Variants in HMCN1 observed in about 807,000 individuals in gnomAD.
HMCN1 encodes hemicentin-1.
HMCN1 carries 321 observed loss-of-function variants against 625.9 expected under a neutral mutation model. The ratio of observed to expected loss-of-function variants is 0.51; its 90% CI spans 0.47 to 0.56. HMCN1 has a LOEUF of 0.56. Ranked by LOEUF, HMCN1 falls within the 20% of genes least tolerant of loss-of-function variation. The probability of loss-of-function intolerance (pLI) is 0.00; values close to 1 mark genes in which losing one functional copy is unlikely to be tolerated. For synonymous variants in HMCN1, 2,425 were observed against 2,417.6 expected, an observed-to-expected ratio of 1.00 and a Z score of -0.09; for missense variants, 6,588 against 6,887.3, an observed-to-expected ratio of 0.96 and a Z score of 1.54.
In HMCN1 at chr1:186,137,498, T is replaced by G. The variant is rs1649679045; in HGVS notation, c.13583T>G (p.Val4528Gly). 3 of 1,613,294 alleles carry G rather than the reference T, an allele frequency of 1.9e-6. No individual in the cohort carries two copies. The highest frequency in any genetic ancestry group is 2.2e-5 in the South Asian group (2 of 90,988). ...ACAAAGTACAATGTTTTATTTGCAG[T>G]TCATGGTGGATTTTCCCAGTGGTCT... ...VLVRVPVIVQ[V>G]HGGFSQWSAW... Residue 4528 changes from valine to glycine, a missense_variant and splice_region_variant, in exon 88 of 107, where the codon GTT becomes GGT. By Grantham distance (109) the Val-to-Gly change is moderately radical. Coordinates refer to ENST00000271588, the MANE Select transcript of HMCN1 (RefSeq NM_031935.3).
chr1:185,833,325 G>A (rs933943555), intron 1 of HMCN1, among the ~76,000 whole-genome samples: 6 of 152,078 alleles, frequency 3.9e-5, no homozygotes, highest in African/African-American at 1.4e-4. Context: ...GTATAGATGG[G>A]CAGACATTTA....
chr1:185,783,284 G>T (rs1657279798), intron 1 of HMCN1, among the ~76,000 whole-genome samples: 1 of 152,114 alleles, frequency 6.6e-6, no homozygotes, highest in Non-Finnish European at 1.5e-5. Flanking sequence ...CTTTGCGATG[G>T]GTTCAAAGTT....
At chr1:185,865,925 G>A (rs995066891) in intron 4 of HMCN1, 62 bp downstream of exon 4, 2 of 1,548,312 alleles carry the variant, frequency 1.3e-6, no homozygotes, top group Non-Finnish European at 1.8e-6. Context: ...AGTTAGGCCA[G>A]CCTAATTATG....
chr1:185,801,825 A>G (rs777989833), intron 1 of HMCN1, among the ~76,000 whole-genome samples: 1 of 152,166 alleles, frequency 6.6e-6, no homozygotes, highest in Non-Finnish European at 1.5e-5. Context: ...GTAGGTAGAA[A>G]CTAGACCATG....
chr1:185,775,374 A>G (rs1162573953), intron 1 of HMCN1, among the ~76,000 whole-genome samples: 1 of 152,202 alleles, frequency 6.6e-6, no homozygotes, highest in East Asian at 1.9e-4. Flanking sequence ...GTGAATAGCC[A>G]CTGCACTCCT....
intron 6 of HMCN1, among the ~76,000 whole-genome samples, chr1:185,915,951 C>T (rs1666676432): frequency 6.6e-6 from 1 of 151,912 alleles, no homozygotes; most frequent in African/African-American, 2.4e-5. Context: ...AGTTTTTTGG[C>T]CTTCCAATAT....
intron 11 of HMCN1, among the ~76,000 whole-genome samples, chr1:185,934,276 G>C (rs1667704026): frequency 6.6e-6 from 1 of 152,006 alleles, no homozygotes; most frequent in Non-Finnish European, 1.5e-5. Flanking sequence ...TTAAAATAAA[G>C]GTTTAAGATG....
chr1:185,958,664 C>A (rs1649795050), intron 11 of HMCN1, among the ~76,000 whole-genome samples: 1 of 152,118 alleles, frequency 6.6e-6, no homozygotes, highest in African/African-American at 2.4e-5. Context: ...CTGGCTAGTC[C>A]ATAATAATGC....
chr1:185,784,441 C>T (rs896485020), intron 1 of HMCN1, among the ~76,000 whole-genome samples: 3 of 152,146 alleles, frequency 2.0e-5, no homozygotes, highest in South Asian at 2.1e-4. Flanking sequence ...TCTTCTGCGT[C>T]GCTCATGCTG....
At position 186,174,564 on chromosome 1, in the gene HMCN1, T is replaced by A; in HGVS notation, c.15865T>A (p.Cys5289Ser). The A allele has an allele frequency of 6.2e-7, 1 of 1,613,790 alleles. No homozygotes were observed. The highest frequency in any genetic ancestry group is 2.2e-5 in the East Asian group (1 of 44,868). The change falls in exon 103 of 107, where the codon TGT (cysteine) becomes AGT (serine). Residue 5289 changes from cysteine (C) to serine (S), a missense_variant. Cys to Ser is a moderately radical substitution (Grantham distance 112). Around this residue, in one of 3 missense-constraint regions of HMCN1, gnomAD observed 1,954 missense variants for 2,013.1 expected, o/e 0.97. Transcript: ENST00000271588. ...CCATCAGTGCAGATATAACCAGATATGTGAGAATACAAGAGGCAGCTATCG... is the reference window on the plus strand; with the variant it reads ...CCATCAGTGCAGATATAACCAGATAAGTGAGAATACAAGAGGCAGCTATCG... ...GTHQCRYNQICENTRGSYRCV... is the reference protein window; with the variant it reads ...GTHQCRYNQISENTRGSYRCV...
chr1:186,115,409 A>C lies in HMCN1; in HGVS notation c.11556A>C (p.Ser3852=), dbSNP rs144346158. 6.2e-7 allele frequency: 1 copy of C among 1,612,922 alleles called. No individual in the cohort carries two copies. The highest frequency in any genetic ancestry group is 8.5e-7 in the Non-Finnish European group (1 of 1,179,410). ...TTAATGTGGATCAAAATCAGAACTC[A>C]TACAGGTAAGGATAATTTAAAACTC... ...HLLNVDQNQN[S]YRLLSSGSLV... Residue 3852 remains serine (S), a synonymous_variant, in exon 75 of 107, where the codon TCA becomes TCC. Coordinates refer to ENST00000271588, the MANE Select transcript of HMCN1 (RefSeq NM_031935.3).
At chr1:186,175,638 T>G (rs1652514337) in intron 103 of HMCN1, among the ~76,000 whole-genome samples, 1 of 152,076 alleles carries the variant, frequency 6.6e-6, no homozygotes, top group Non-Finnish European at 1.5e-5. Context: ...ATAGTTGTAT[T>G]TATTCACCAA....
intron 1 of HMCN1, among the ~76,000 whole-genome samples, chr1:185,777,777 G>C (rs16824467): frequency 0.018 from 2,706 of 152,292 alleles, 81 homozygotes; most frequent in African/African-American, 0.063. Flanking sequence ...ATTTATGTTA[G>C]ACATAGGCAG....
chr1:185,761,347 C>G (rs1655489825), intron 1 of HMCN1, among the ~76,000 whole-genome samples: 1 of 151,544 alleles, frequency 6.6e-6, no homozygotes, highest in Non-Finnish European at 1.5e-5. Flanking sequence ...GATGTTTAGA[C>G]TTGTGATCTT....
chr1:186,062,479 A>C, intron 47 of HMCN1, 35 bp from the exon 48 acceptor site: 6 of 1,269,498 alleles, frequency 4.7e-6, no homozygotes, highest in Non-Finnish European at 6.9e-6. Context: ...TTTGCTGTTA[A>C]GAGCTGTTAT....
At chr1:185,865,618 C>T in intron 3 of HMCN1, 123 bp from the exon 4 acceptor site, 4 of 730,656 alleles carry the variant, frequency 5.5e-6, no homozygotes, top group Non-Finnish European at 7.0e-6. Context: ...CACACACACA[C>T]ACACACACAC....
intron 28 of HMCN1, 41 bp downstream of exon 28, chr1:186,001,782 A>G: frequency 6.5e-7 from 1 of 1,530,858 alleles, no homozygotes. Context: ...ATTCAGAAGC[A>G]TTTCTTACCT....
intron 48 of HMCN1, among the ~76,000 whole-genome samples, chr1:186,063,096 A>ATGTATATATG (rs1553285882): frequency 0.012 from 1,380 of 115,412 alleles, 83 homozygotes; most frequent in African/African-American, 0.049. Flanking sequence ...ATATATATAT[A>ATGTATATATG]TATATATCAC....
At chr1:185,903,064 A>G (rs1463600449) in intron 4 of HMCN1, among the ~76,000 whole-genome samples, 1 of 151,758 alleles carries the variant, frequency 6.6e-6, no homozygotes, top group Non-Finnish European at 1.5e-5. Context: ...TAAATAAAAC[A>G]TATTTTTCTG....
Sources: gnomAD v4.1 joint callset for allele counts (sites outside exome capture counted in the v4.1 genomes callset) on GRCh38, gnomAD v4.1.1 for gene constraint, gnomAD v4.1.1 regional missense constraint, MANE v1.5 for transcripts, NCBI Gene and HGNC (gene_info 2026-07-23, HGNC 2026-07-21) for gene names.